Variants in FRMPD4 observed in about 807,000 individuals in gnomAD.
FRMPD4 encodes the protein FERM and PDZ domain-containing protein 4.
A neutral mutation model predicts 94.1 loss-of-function variants in FRMPD4; 22 were observed. That is an observed-to-expected ratio of 0.23 (90% CI 0.17 to 0.33). FRMPD4 has a LOEUF of 0.33. Among genes scored for constraint, FRMPD4 ranks in the 10% least tolerant of loss-of-function variants. FRMPD4 has a pLI of 1.00. For synonymous variants in FRMPD4, 631 were observed against 548.6 expected (o/e 1.15, Z -2.10); for missense variants, 1,111 against 1,339.9 (o/e 0.83, Z 2.67).
intron 1 of FRMPD4, among the ~76,000 whole-genome samples, chrX:12,415,587 C>G (rs1046610901): frequency 8.9e-6 from 1 of 111,768 alleles, no homozygotes; most frequent in Non-Finnish European, 1.9e-5. Context: ...TCACAAGGCT[C>G]TCACCAATAC....
At chrX:12,151,504 C>T (rs1353404983) in intron 1 of FRMPD4, among the ~76,000 whole-genome samples, 1 of 111,854 alleles carries the variant, frequency 8.9e-6, no homozygotes, top group Non-Finnish European at 1.9e-5. Flanking sequence ...GTCCAAACAA[C>T]AATATCCACA....
At chrX:11,834,568 G>T (rs1294600138) in intron 1 of FRMPD4, among the ~76,000 whole-genome samples, 5 of 111,882 alleles carry the variant, frequency 4.5e-5, no homozygotes, top group African/African-American at 1.6e-4. Context: ...CTGGAGTTGT[G>T]AAAATATCTT....
chrX:12,015,829 T>G (rs1281849287), intron 3 of FRMPD4, among the ~76,000 whole-genome samples: 1 of 111,911 alleles, frequency 8.9e-6, no homozygotes, highest in Non-Finnish European at 1.9e-5. Flanking sequence ...TTTGTAACCA[T>G]GAGGCAGCAG....
intron 3 of FRMPD4, among the ~76,000 whole-genome samples, chrX:11,932,210 C>T (rs1231346417): frequency 8.9e-6 from 1 of 111,934 alleles, no homozygotes; most frequent in Non-Finnish European, 1.9e-5. Context: ...TATAATCTAG[C>T]AGATAAAACT....
chrX:12,322,710 A>G (rs867214919), intron 1 of FRMPD4, among the ~76,000 whole-genome samples: 2 of 111,682 alleles, frequency 1.8e-5, no homozygotes, highest in Middle Eastern at 4.6e-3. Flanking sequence ...TGTAGTGGGT[A>G]AGTCAGTCAA....
intron 1 of FRMPD4, among the ~76,000 whole-genome samples, chrX:12,447,115 T>C (rs1374000575): frequency 2.7e-5 from 3 of 111,370 alleles, no homozygotes; most frequent in Non-Finnish European, 3.8e-5. Context: ...CTCCTGTGGT[T>C]CCAAATGACG....
chrX:12,388,308 T>C (rs2056425306), intron 1 of FRMPD4, among the ~76,000 whole-genome samples: 2 of 112,374 alleles, frequency 1.8e-5, no homozygotes, highest in Admixed American at 1.9e-4. Flanking sequence ...GATATATTCT[T>C]AACAAAACTA....
In FRMPD4 at chrX:12,013,967, A is replaced by T. The variant is rs1375086736; in HGVS notation, c.95+135949A>T. On this transcript the variant is annotated intron_variant, in intron 3 of 18. Transcript: ENST00000640291. ...ACCATTTATTAGCAGTTCTTAGAAAATGATCCTCAAATCAGACATATTATA... is the reference window on the plus strand; with the variant it reads ...ACCATTTATTAGCAGTTCTTAGAAATTGATCCTCAAATCAGACATATTATA... 2.7e-5 allele frequency among the ~76,000 whole-genome samples: 3 copies of T among 112,789 alleles called. No homozygotes were observed. In the East Asian group the frequency reaches 8.3e-4, roughly 31 times the overall value.
At chrX:12,378,513 G>C (rs2056273223) in intron 1 of FRMPD4, among the ~76,000 whole-genome samples, 1 of 112,259 alleles carries the variant, frequency 8.9e-6, no homozygotes, top group Admixed American at 9.4e-5. Flanking sequence ...ATGCCACTTG[G>C]GGGTGAAGAG....
At chrX:12,491,784 TAGAA>T (rs2057795473) in intron 1 of FRMPD4, among the ~76,000 whole-genome samples, 1 of 111,997 alleles carries the variant, frequency 8.9e-6, no homozygotes, top group African/African-American at 3.2e-5. Flanking sequence ...GTAATACTGA[TAGAA>T]AGGTAAGGAC....
intron 3 of FRMPD4, among the ~76,000 whole-genome samples, chrX:11,914,003 C>A (rs1470512188): frequency 8.9e-6 from 1 of 112,161 alleles, no homozygotes; most frequent in Non-Finnish European, 1.9e-5. Context: ...CCACGTTAGA[C>A]AGTGAGAGTT....
chrX:11,954,775 A>C (rs1328765539), intron 3 of FRMPD4, among the ~76,000 whole-genome samples: 1 of 110,238 alleles, frequency 9.1e-6, no homozygotes, highest in Non-Finnish European at 1.9e-5. Context: ...AGTTTCTACC[A>C]TCATAAATTG....
intron 1 of FRMPD4, among the ~76,000 whole-genome samples, chrX:12,318,803 A>C (rs2055163888): frequency 9.0e-6 from 1 of 111,519 alleles, no homozygotes; most frequent in South Asian, 3.8e-4. Context: ...GAGAAATGAT[A>C]AATGTTGCAG....
intron 3 of FRMPD4, among the ~76,000 whole-genome samples, chrX:11,974,469 C>G (rs1389790420): frequency 8.9e-6 from 1 of 111,929 alleles, no homozygotes; most frequent in African/African-American, 3.3e-5. Context: ...GTACAACCTG[C>G]AGAACCATGA....
Position 12,550,818 on chromosome X carries a change from ACTTT to A in FRMPD4, c.158+52025_158+52028del, listed in dbSNP as rs752569072. 4.8e-3 allele frequency among the ~76,000 whole-genome samples: 366 copies of A among 76,631 alleles called. 2 individuals carry two copies. Among genetic ancestry groups the A allele is most frequent in the African/African-American group, 0.021 (336 of 15,804 alleles). The allele number at this position is 76,631 out of a possible 115,157, so 66.5% of individuals were successfully genotyped here. Reference sequence around the variant, plus strand: ...CATTTATGTACATCTATGTGTACTTACTTTCTCTTTTAGAGTGTATATAAGAATA... The same window carrying A: ...CATTTATGTACATCTATGTGTACTTACTCTTTTAGAGTGTATATAAGAATA... On this transcript the variant is annotated intron_variant, in intron 2 of 16. Transcript: ENST00000675598.
rs150324184 is a variant in FRMPD4, at chrX:12,705,714, T to C, written c.1198-1112T>C. Among the ~76,000 whole-genome samples the C allele has an allele frequency of 1.5e-4, 17 of 111,605 alleles. No individual in the cohort carries two copies. The East Asian group carries it at 4.7e-3, about 31-fold the overall frequency. ...ATTTGCTGGAAGCTAATTTCTATAA[T>C]TGACTTGTGATTTTTTTTTCAAGCC... is the stretch of plus-strand genomic sequence containing the variant. On this transcript the variant is annotated intron_variant, in intron 11 of 16. Coordinates refer to ENST00000675598, the MANE Select transcript of FRMPD4 (RefSeq NM_001368397.1).
intron 1 of FRMPD4, among the ~76,000 whole-genome samples, chrX:12,171,820 A>T (rs1355466197): frequency 8.9e-6 from 1 of 111,859 alleles, no homozygotes; most frequent in Non-Finnish European, 1.9e-5. Context: ...AGACTTGGGG[A>T]TGAAAGAAGA....
intron 13 of FRMPD4, among the ~76,000 whole-genome samples, chrX:12,710,161 CATATAT>C (rs746215392): frequency 3.6e-5 from 4 of 109,895 alleles, no homozygotes; most frequent in Non-Finnish European, 7.6e-5. Context: ...GATAGACAGA[CATATAT>C]ATATATGACT....
At chrX:12,411,892 A>G (rs1199349921) in intron 1 of FRMPD4, among the ~76,000 whole-genome samples, 1 of 111,745 alleles carries the variant, frequency 8.9e-6, no homozygotes, top group Non-Finnish European at 1.9e-5. Context: ...ACTGGATACC[A>G]CTGACTTGAA....
Sources: allele counts gnomAD v4.1 joint callset (sites outside exome capture counted in the v4.1 genomes callset), GRCh38; gene constraint gnomAD v4.1.1; transcripts MANE v1.5; gene names NCBI Gene and HGNC (gene_info 2026-07-23, HGNC 2026-07-21).